MDH1B: variants seen among roughly 807,000 people sequenced by gnomAD.
MDH1B encodes the protein malate dehydrogenase 1B, also known as putative malate dehydrogenase 1B.
A neutral mutation model predicts 61.4 loss-of-function variants in MDH1B; 60 were observed. That is an observed-to-expected ratio of 0.98 (90% confidence interval 0.79 to 1.21). The LOEUF is 1.21. MDH1B is among the 50% of genes most tolerant of loss of function. The pLI is 0.00. For missense variants in MDH1B, 587 were observed against 632.1 expected, an observed-to-expected ratio of 0.93 and a Z score of 0.76; for synonymous variants, 236 against 218.7, an observed-to-expected ratio of 1.08 and a Z score of -0.70.
At chr2:206,739,850 C>T (rs1399787607) in intron 10 of MDH1B, among the ~76,000 whole-genome samples, 189 bp from the exon 11 acceptor site, 1 of 152,064 alleles carries the variant, frequency 6.6e-6, no homozygotes, top group African/African-American at 2.4e-5. Context: ...TTATCTATGT[C>T]CTGAGTGGAC....
Position 206,755,402 on chromosome 2 carries a change from C to T in MDH1B, c.517G>A (p.Ala173Thr), listed in dbSNP as rs1688704895. 9 of 1,614,202 alleles carry T rather than the reference C, an allele frequency of 5.6e-6. No homozygotes were observed. The highest frequency in any genetic ancestry group is 1.1e-5 in the South Asian group (1 of 91,080). The change falls in exon 5 of 12, where the codon GCG becomes ACG. Residue 173 changes from alanine to threonine, a missense_variant. Physicochemically the swap from Ala to Thr is moderately conservative, Grantham distance 58. Transcript: ENST00000374412. Reference sequence around the variant, plus strand: ...ACAAGGCTTTTGAGATGTTCTTCCGCCTGCTTGTTGTCAAATAGAGTTATG... The same window carrying T: ...ACAAGGCTTTTGAGATGTTCTTCCGTCTGCTTGTTGTCAAATAGAGTTATG... ...ISITLFDNKQAEEHLKSLVVE... is the reference protein window; with the variant it reads ...ISITLFDNKQTEEHLKSLVVE...
At chr2:206,756,853 A>C (rs1213363098) in intron 4 of MDH1B, 45 bp downstream of exon 4, 17 of 1,600,880 alleles carry the variant, frequency 1.1e-5, no homozygotes, top group Non-Finnish European at 1.4e-5. Context: ...TCCTTTCTAA[A>C]TATAAAAAGT....
chr2:206,748,980 G>T lies in MDH1B; in HGVS notation c.1216+40C>A, dbSNP rs1385090880. 2.5e-6 allele frequency: 4 copies of T among 1,577,774 alleles called. No homozygotes were observed. In the South Asian group the frequency reaches 4.5e-5, roughly 18 times the overall value. Reference sequence around the variant, plus strand: ...ATTAGGAGCACGAGTTATAGATAGAGGTTTTAAGATTTTACAAGATATGAA... The same window carrying T: ...ATTAGGAGCACGAGTTATAGATAGATGTTTTAAGATTTTACAAGATATGAA... On this transcript the variant is annotated intron_variant, in intron 7 of 11. Transcript: ENST00000374412.
chr2:206,740,127 T>C (rs193184323), intron 10 of MDH1B, among the ~76,000 whole-genome samples: 6 of 152,362 alleles, frequency 3.9e-5, no homozygotes, highest in African/African-American at 1.2e-4. Context: ...ATTATATGTA[T>C]ACAGTTGACC....
chr2:206,745,814 A>AG, intron 8 of MDH1B, 141 bp from the exon 9 acceptor site: 3 of 598,916 alleles, frequency 5.0e-6, no homozygotes, highest in Non-Finnish European at 5.8e-6. Flanking sequence ...GCTCACCACA[A>AG]CCTCTCCCTT....
chr2:206,744,246 A>G (rs943585732), intron 9 of MDH1B, among the ~76,000 whole-genome samples: 2 of 152,206 alleles, frequency 1.3e-5, no homozygotes. Context: ...GCAGTCATCT[A>G]TATAATGTGT....
rs754349827 is a variant in MDH1B at position 206,757,349 on chromosome 2, T to A, written c.158A>T (p.Glu53Val). ...VWEDWLKDVCEKNKWSHKNSP... is the reference protein window; with the variant it reads ...VWEDWLKDVCVKNKWSHKNSP... The stretch of plus-strand genomic sequence containing the variant: ...ATTCTTGTGACTCCACTTATTCTTT[T>A]CACACACATCTTTTAGCCAATCCTG... The change falls in exon 3 of 12, where the codon GAA (glutamate) becomes GTA (valine). Residue 53 changes from glutamate (E) to valine (V), a missense_variant. Transcript: ENST00000374412. The A allele has an allele frequency of 1.3e-5, 21 of 1,613,612 alleles. No individual in the cohort carries two copies. The highest frequency in any genetic ancestry group is 1.7e-6 in the Non-Finnish European group (2 of 1,179,912).
At chr2:206,764,626 C>T (rs1689320775) in intron 1 of MDH1B, among the ~76,000 whole-genome samples, 1 of 152,210 alleles carries the variant, frequency 6.6e-6, no homozygotes, top group African/African-American at 2.4e-5. Context: ...CCAAGACAGG[C>T]TTCCTAAAAT....
chr2:206,742,909 G>GTTTCACCATGT (rs1267885932), intron 9 of MDH1B, among the ~76,000 whole-genome samples: 1 of 151,842 alleles, frequency 6.6e-6, no homozygotes, highest in African/African-American at 2.4e-5. Flanking sequence ...TAGAGACAGG[G>GTTTCACCATGT]TTTCACCATG....
chr2:206,747,204 C>T (rs550439527), intron 7 of MDH1B, among the ~76,000 whole-genome samples: 3 of 152,020 alleles, frequency 2.0e-5, no homozygotes, highest in Admixed American at 6.6e-5. Flanking sequence ...TGAGGACATT[C>T]GAGAAACCAA....
intron 8 of MDH1B, 112 bp from the exon 9 acceptor site, chr2:206,745,785 G>A: frequency 1.4e-6 from 1 of 725,402 alleles, no homozygotes; most frequent in Non-Finnish European, 2.3e-6. Flanking sequence ...CCAGGCTGGA[G>A]TGCAGTGGCG....
intron 1 of MDH1B, among the ~76,000 whole-genome samples, chr2:206,762,203 C>A (rs1472209844): frequency 6.6e-6 from 1 of 152,150 alleles, no homozygotes; most frequent in Non-Finnish European, 1.5e-5. Flanking sequence ...TCCTCCAAAT[C>A]TTTTCCTTCT....
At chr2:206,739,154 G>A (rs1419622775) in intron 11 of MDH1B, among the ~76,000 whole-genome samples, 1 of 152,114 alleles carries the variant, frequency 6.6e-6, no homozygotes. Context: ...GGTGGCTCAC[G>A]CCTGTAATTC....
chr2:206,762,661 T>C (rs1308800832), intron 1 of MDH1B, among the ~76,000 whole-genome samples: 1 of 152,222 alleles, frequency 6.6e-6, no homozygotes, highest in African/African-American at 2.4e-5. Context: ...TTCCCTATAT[T>C]TGCCATCCTC....
chr2:206,760,603 T>C (rs1689033857), intron 2 of MDH1B, among the ~76,000 whole-genome samples: 1 of 152,146 alleles, frequency 6.6e-6, no homozygotes, highest in Non-Finnish European at 1.5e-5. Flanking sequence ...TGGAAATCAA[T>C]ACCAAGGAGA....
At chr2:206,757,431 T>C in intron 2 of MDH1B, 60 bp from the exon 3 acceptor site, 1 of 1,544,706 alleles carries the variant, frequency 6.5e-7, no homozygotes, top group Non-Finnish European at 8.8e-7. Context: ...TTCAATTTCA[T>C]ACTTTAGAAT....
chr2:206,765,277 A>G lies in MDH1B; in HGVS notation c.-6T>C, dbSNP rs1574658296. 3 of 1,600,120 alleles carry G rather than the reference A, an allele frequency of 1.9e-6. No individual in the cohort carries two copies. The highest frequency in any genetic ancestry group is 2.6e-6 in the Non-Finnish European group (3 of 1,175,494). On this transcript the variant is annotated 5_prime_UTR_variant, in exon 1 of 12. Transcript: ENST00000374412. ...GCGATGACGAATTTGGCCATGGTCG[A>G]GAGAGACTCAGAGGCAGGGACCGCG...
At chr2:206,741,331 G>A (rs1186427097) in intron 9 of MDH1B, 3 of 607,662 alleles carry the variant, frequency 4.9e-6, no homozygotes, top group Non-Finnish European at 8.8e-6. Context: ...GGTTAATACC[G>A]AGTGCCAACT....
chr2:206,758,963 G>GA (rs1559349102), intron 2 of MDH1B, among the ~76,000 whole-genome samples: 4 of 108,648 alleles, frequency 3.7e-5, no homozygotes, highest in Non-Finnish European at 7.4e-5. Flanking sequence ...AAGGCTGTTT[G>GA]TTTTTTTTTT....
Sources: gnomAD v4.1 joint callset for allele counts (sites outside exome capture counted in the v4.1 genomes callset) on GRCh38, gnomAD v4.1.1 for gene constraint, MANE v1.5 for transcripts, NCBI Gene and HGNC (gene_info 2026-07-23, HGNC 2026-07-21) for gene names.